PPP3CC: variants seen among roughly 807,000 people sequenced by gnomAD.
The protein encoded by PPP3CC is protein phosphatase 3 catalytic subunit gamma.
A neutral mutation model predicts 60.3 loss-of-function variants in PPP3CC; 35 were observed. That is an observed-to-expected ratio of 0.58 (90% CI 0.44 to 0.77). The LOEUF is 0.77. PPP3CC is among the 30% of genes least tolerant of loss of function. PPP3CC has a pLI of 0.00. For synonymous variants in PPP3CC, 206 were observed against 224.3 expected (o/e 0.92, Z 0.73); for missense variants, 570 against 628.9 (o/e 0.91, Z 1.00).
intron 12 of PPP3CC, among the ~76,000 whole-genome samples, chr8:22,537,211 CT>C (rs1839862817): frequency 6.6e-6 from 1 of 152,170 alleles, no homozygotes; most frequent in Non-Finnish European, 1.5e-5. Flanking sequence ...AAAATATACT[CT>C]TACAACTGAA....
chr8:22,508,043 CA>C (rs1838976788), intron 4 of PPP3CC, among the ~76,000 whole-genome samples: 1 of 152,126 alleles, frequency 6.6e-6, no homozygotes, highest in African/African-American at 2.4e-5. Context: ...TGCTTGAGGC[CA>C]GGAATTGAAG....
rs1179504402 is a variant in PPP3CC, at chr8:22,527,466, C to A, written c.1018C>A (p.Pro340Thr). The A allele has an allele frequency of 1.2e-6, 2 of 1,613,964 alleles. No homozygotes were observed. Among genetic ancestry groups the A allele is most frequent in the African/African-American group, 2.7e-5 (2 of 75,008 alleles). ...FNCSPHPYWLPNFMDVFTWSL... is the reference protein window; with the variant it reads ...FNCSPHPYWLTNFMDVFTWSL... ...CTGTTCTCCACACCCCTACTGGCTT[C>A]CAAACTTTATGGATGTTTTCACATG... The change falls in exon 9 of 14, where the codon CCA (proline) becomes ACA (threonine). Residue 340 changes from proline (P) to threonine (T), a missense_variant. Pro to Thr is a conservative substitution (Grantham distance 38). Transcript: ENST00000240139.
At chr8:22,537,693 C>T (rs966220728) in intron 12 of PPP3CC, among the ~76,000 whole-genome samples, 21 of 152,170 alleles carry the variant, frequency 1.4e-4, no homozygotes, top group Admixed American at 4.6e-4. Context: ...ATGTGGTAAA[C>T]GCAATGGAAT....
intron 3 of PPP3CC, among the ~76,000 whole-genome samples, chr8:22,486,156 A>G (rs1838218082): frequency 6.6e-6 from 1 of 152,192 alleles, no homozygotes; most frequent in Admixed American, 6.5e-5. Flanking sequence ...AATTTATTTC[A>G]CCATTCCTCT....
At chr8:22,477,144 C>T (rs748912125) in intron 3 of PPP3CC, among the ~76,000 whole-genome samples, 5 of 151,998 alleles carry the variant, frequency 3.3e-5, no homozygotes, top group Non-Finnish European at 7.4e-5. Context: ...TCCCTGTTGC[C>T]ACTCATATCA....
intron 5 of PPP3CC, among the ~76,000 whole-genome samples, chr8:22,512,917 A>G (rs1458167522): frequency 6.6e-6 from 1 of 152,134 alleles, no homozygotes; most frequent in African/African-American, 2.4e-5. Context: ...TCTCTACTAA[A>G]AATACAAAAT....
intron 4 of PPP3CC, among the ~76,000 whole-genome samples, chr8:22,506,422 A>G (rs990206338): frequency 3.9e-5 from 6 of 152,218 alleles, no homozygotes; most frequent in Non-Finnish European, 8.8e-5. Flanking sequence ...ATGTGGCATG[A>G]TAGCCAAAAT....
chr8:22,535,384 A>G (rs367746820), intron 12 of PPP3CC, among the ~76,000 whole-genome samples: 122 of 152,362 alleles, frequency 8.0e-4, no homozygotes, highest in African/African-American at 2.8e-3. Context: ...GAAAATTGGT[A>G]TTGAAGCATT....
chr8:22,459,545 A>G (rs1044609074), intron 1 of PPP3CC, among the ~76,000 whole-genome samples: 4 of 152,046 alleles, frequency 2.6e-5, no homozygotes, highest in Non-Finnish European at 5.9e-5. Flanking sequence ...ATGAGAGAGT[A>G]TCTTGCATGT....
rs1839626388 is a variant in PPP3CC, at chr8:22,528,685, G to A, written c.1141+108G>A. 7 of 811,572 alleles carry A rather than the reference G, an allele frequency of 8.6e-6. No individual in the cohort carries two copies. The East Asian group carries it at 1.8e-4, about 21-fold the overall frequency. The allele number at this position is 811,572 out of a possible 1,614,324, so 50.3% of individuals were successfully genotyped here. A position where few individuals can be genotyped will look rare whatever the true frequency, so the allele number is the denominator to read the frequency against. ...CTTTGTCTTATTAAAAATAAAGTTA[G>A]TTCATTGTAGAAAAATAAAATTTGA... On this transcript the variant is annotated intron_variant, in intron 10 of 13. Transcript: ENST00000240139.
At chr8:22,511,358 C>A in intron 5 of PPP3CC, 127 bp downstream of exon 5, 1 of 1,006,730 alleles carries the variant, frequency 9.9e-7, no homozygotes, top group African/African-American at 1.6e-5. Flanking sequence ...GGTGCTATCT[C>A]AGCTCACTGC....
At chr8:22,457,551 A>G (rs1837241124) in intron 1 of PPP3CC, among the ~76,000 whole-genome samples, 1 of 150,796 alleles carries the variant, frequency 6.6e-6, no homozygotes, top group South Asian at 2.1e-4. Context: ...CAAGCGATCC[A>G]TCTGCTTCAT....
intron 1 of PPP3CC, among the ~76,000 whole-genome samples, chr8:22,450,033 A>AT (rs934190741): frequency 2.0e-5 from 3 of 150,400 alleles, no homozygotes; most frequent in African/African-American, 2.4e-5. Context: ...CACCCAGCTA[A>AT]TTTTTTTTTG....
rs576165370 is a variant in PPP3CC, at chr8:22,484,917, A to G, written c.372+9293A>G. 2.0e-5 allele frequency among the ~76,000 whole-genome samples: 3 copies of G among 152,338 alleles called. No individual in the cohort carries two copies. The East Asian group carries it at 5.8e-4, about 29-fold the overall frequency. ...GCGGGAGGGGAAAGCTCTAGAGAGG[A>G]AAGTGATTCAGCTAGCTTTGAGGCA... On this transcript the variant is annotated intron_variant, in intron 3 of 13. Coordinates refer to ENST00000240139, the MANE Select transcript of PPP3CC (RefSeq NM_005605.5).
intron 8 of PPP3CC, among the ~76,000 whole-genome samples, chr8:22,526,675 C>T (rs1839569769): frequency 6.6e-6 from 1 of 152,076 alleles, no homozygotes; most frequent in South Asian, 2.1e-4. Context: ...AACAACATTG[C>T]TGGTGATAAA....
chr8:22,519,631 C>G (rs1839350296), intron 6 of PPP3CC, among the ~76,000 whole-genome samples: 1 of 152,156 alleles, frequency 6.6e-6, no homozygotes, highest in Admixed American at 6.5e-5. Context: ...AGTCCCCATT[C>G]ACACACCTAA....
chr8:22,524,595 G>A (rs893995360), intron 8 of PPP3CC, among the ~76,000 whole-genome samples: 1 of 152,116 alleles, frequency 6.6e-6, no homozygotes, highest in Non-Finnish European at 1.5e-5. Flanking sequence ...CAATGGTGTG[G>A]ACTGTTTGTG....
At chr8:22,525,536 TTCTCTCCC>T (rs768112774) in intron 8 of PPP3CC, among the ~76,000 whole-genome samples, 11,122 of 73,040 alleles carry the variant, frequency 0.15, 605 homozygotes, top group East Asian at 0.25. Context: ...CTTTCTTTCT[TTCTCTCCC>T]TCTCTCTCTC....
At position 22,511,140 on chromosome 8, in the gene PPP3CC, G is replaced by C. The variant is rs771701961; in HGVS notation, c.539G>C (p.Cys180Ser). Residue 180 changes from cysteine (C) to serine (S), a missense_variant, in exon 5 of 14, where the codon TGT becomes TCT. Physicochemically the swap from Cys to Ser is moderately radical, Grantham distance 112 (BLOSUM62 -1). Transcript: ENST00000240139. ...GATGCCTGTATGGAGACATTTGACT[G>C]TCTTCCTCTTGCTGCCCTCTTAAAC... ...VYDACMETFD[C>S]LPLAALLNQQ... The C allele has an allele frequency of 6.2e-7, 1 of 1,613,998 alleles. No individual in the cohort carries two copies. Among genetic ancestry groups the C allele is most frequent in the South Asian group, 1.1e-5 (1 of 91,080 alleles).
Sources: allele counts gnomAD v4.1 joint callset (sites outside exome capture counted in the v4.1 genomes callset), GRCh38; gene constraint gnomAD v4.1.1; transcripts MANE v1.5; gene names NCBI Gene and HGNC (gene_info 2026-07-23, HGNC 2026-07-21).